The following ZBTB20 variants were observed in gnomAD, a reference collection of about 807,000 sequenced individuals.
The protein encoded by ZBTB20 is zinc finger and BTB domain containing 20, also known as zinc finger and BTB domain-containing protein 20.
In ZBTB20, 9 loss-of-function variants were observed where a neutral mutation model predicts 56.9. The ratio of observed to expected loss-of-function variants is 0.16; its 90% CI spans 0.10 to 0.28. ZBTB20 has a LOEUF of 0.28. Ranked by LOEUF, ZBTB20 falls within the 10% of genes least tolerant of loss-of-function variation. The pLI is 1.00. For synonymous variants in ZBTB20, 417 were observed against 420.7 expected (o/e 0.99, Z 0.11); for missense variants, 655 against 1,003.0 (o/e 0.65, Z 4.69).
intron 7 of ZBTB20, among the ~76,000 whole-genome samples, chr3:114,416,252 T>A (rs1224257369): frequency 6.6e-6 from 1 of 150,934 alleles, no homozygotes; most frequent in Non-Finnish European, 1.5e-5. Context: ...AAATAAAAAT[T>A]GAGACACTTA....
chr3:114,526,572 C>G (rs2047243982), intron 6 of ZBTB20, among the ~76,000 whole-genome samples: 1 of 152,050 alleles, frequency 6.6e-6, no homozygotes, highest in African/African-American at 2.4e-5. Flanking sequence ...TCATAAATCC[C>G]TGGAAAAAGA....
intron 3 of ZBTB20, among the ~76,000 whole-genome samples, chr3:114,938,547 T>A (rs2076625094): frequency 6.8e-6 from 1 of 146,004 alleles, no homozygotes; most frequent in Non-Finnish European, 1.5e-5. Context: ...CTGGAAACCA[T>A]CATTCTCAGT....
At chr3:114,648,343 T>C (rs2059957076) in intron 6 of ZBTB20, among the ~76,000 whole-genome samples, 1 of 151,946 alleles carries the variant, frequency 6.6e-6, no homozygotes, top group African/African-American at 2.4e-5. Flanking sequence ...TTTATATACA[T>C]TCTTAAAATT....
Position 114,342,623 on chromosome 3 carries a change from G to T in ZBTB20, c.1805-3197C>A, listed in dbSNP as rs11920944. On this transcript the variant is annotated intron_variant, in intron 11 of 11. Coordinates refer to ENST00000675478, the MANE Select transcript of ZBTB20 (RefSeq NM_001348800.3). ...GAATAATATAGTAAGTACCTGTCTC[G>T]TGAAGGCGTTTTGAAAATTGAAGAG... Among the ~76,000 whole-genome samples the T allele has an allele frequency of 2.2e-3, 328 of 152,222 alleles. 1 individual carries two copies. Among genetic ancestry groups the T allele is most frequent in the African/African-American group, 7.6e-3 (315 of 41,530 alleles).
intron 6 of ZBTB20, among the ~76,000 whole-genome samples, chr3:114,685,640 T>C (rs2062285860): frequency 6.6e-6 from 1 of 152,192 alleles, no homozygotes; most frequent in Admixed American, 6.5e-5. Flanking sequence ...AGTCCATTAA[T>C]TTCTGATGGT....
At chr3:114,721,467 G>GA (rs1309985846) in intron 5 of ZBTB20, among the ~76,000 whole-genome samples, 2 of 152,072 alleles carry the variant, frequency 1.3e-5, no homozygotes, top group African/African-American at 4.8e-5. Flanking sequence ...CATTGTGGAG[G>GA]AAAAAATAAC....
chr3:114,804,088 A>T (rs2071917791), intron 4 of ZBTB20, among the ~76,000 whole-genome samples: 1 of 152,032 alleles, frequency 6.6e-6, no homozygotes, highest in South Asian at 2.1e-4. Context: ...TCTCTGGCAG[A>T]GACCCTTTAG....
intron 2 of ZBTB20, among the ~76,000 whole-genome samples, chr3:115,065,665 G>A (rs1360342738): frequency 6.6e-6 from 1 of 152,010 alleles, no homozygotes; most frequent in Non-Finnish European, 1.5e-5. Context: ...CTATTCACAG[G>A]GTCATAAAAT....
At chr3:114,933,345 A>C (rs2076423920) in intron 3 of ZBTB20, among the ~76,000 whole-genome samples, 1 of 152,238 alleles carries the variant, frequency 6.6e-6, no homozygotes, top group Admixed American at 6.5e-5. Context: ...TCCTTCTGGG[A>C]TACTCTGGAA....
At chr3:114,635,304 CAT>C (rs1321790707) in intron 6 of ZBTB20, among the ~76,000 whole-genome samples, 1 of 152,108 alleles carries the variant, frequency 6.6e-6, no homozygotes, top group African/African-American at 2.4e-5. Flanking sequence ...TATCTTGTCT[CAT>C]ATTAAGCACC....
chr3:115,096,274 A>G (rs2083377804), intron 1 of ZBTB20, among the ~76,000 whole-genome samples: 2 of 152,176 alleles, frequency 1.3e-5, no homozygotes, highest in African/African-American at 4.8e-5. Context: ...CCTGATTTCT[A>G]TAATGTCCCT....
At chr3:114,463,669 C>T (rs1219743892) in intron 7 of ZBTB20, among the ~76,000 whole-genome samples, 1 of 152,168 alleles carries the variant, frequency 6.6e-6, no homozygotes, top group Non-Finnish European at 1.5e-5. Flanking sequence ...GAAATGTCCA[C>T]TAGTTCAACA....
intron 6 of ZBTB20, among the ~76,000 whole-genome samples, chr3:114,601,878 A>G (rs981314591): frequency 1.3e-5 from 2 of 152,010 alleles, no homozygotes; most frequent in African/African-American, 2.4e-5. Context: ...GTTAGATCAC[A>G]TGAGAGTTCG....
At chr3:114,524,855 C>T (rs1458284337) in intron 6 of ZBTB20, among the ~76,000 whole-genome samples, 3 of 152,168 alleles carry the variant, frequency 2.0e-5, no homozygotes, top group Non-Finnish European at 4.4e-5. Flanking sequence ...GCTGAGATTA[C>T]AGGCACGCAC....
intron 7 of ZBTB20, among the ~76,000 whole-genome samples, chr3:114,428,166 A>T (rs976985097): frequency 9.9e-5 from 15 of 152,240 alleles, no homozygotes; most frequent in African/African-American, 3.6e-4. Flanking sequence ...ATACCCCCCA[A>T]CAAAGTACTG....
At chr3:115,029,278 A>G (rs2080564228) in intron 2 of ZBTB20, among the ~76,000 whole-genome samples, 1 of 150,678 alleles carries the variant, frequency 6.6e-6, no homozygotes, top group Non-Finnish European at 1.5e-5. Flanking sequence ...CTCTATGTCA[A>G]TTCTCCCTAA....
chr3:114,463,970 C>G (rs1425297003), intron 7 of ZBTB20, among the ~76,000 whole-genome samples: 1 of 152,160 alleles, frequency 6.6e-6, no homozygotes, highest in South Asian at 2.1e-4. Flanking sequence ...CGAAGAATAT[C>G]TCTGAATATA....
At chr3:114,474,351 A>C (rs1370226060) in intron 7 of ZBTB20, among the ~76,000 whole-genome samples, 1 of 152,256 alleles carries the variant, frequency 6.6e-6, no homozygotes, top group Non-Finnish European at 1.5e-5. Context: ...TGCATACAGC[A>C]ATGCTTCACA....
intron 4 of ZBTB20, among the ~76,000 whole-genome samples, chr3:114,825,081 T>C (rs575086342): frequency 3.3e-5 from 5 of 152,036 alleles, no homozygotes; most frequent in Admixed American, 6.6e-5. Context: ...TTGGCTCCTC[T>C]ACCATCTTTA....
Sources: gnomAD v4.1 joint callset for allele counts (sites outside exome capture counted in the v4.1 genomes callset) on GRCh38, gnomAD v4.1.1 for gene constraint, MANE v1.5 for transcripts, NCBI Gene and HGNC (gene_info 2026-07-23, HGNC 2026-07-21) for gene names.